IGSF23: variants seen among roughly 807,000 people sequenced by gnomAD.
IGSF23 encodes immunoglobulin superfamily member 23, also known as immunoglobulin superfamily, member 23.
A neutral mutation model predicts 17.8 loss-of-function variants in IGSF23; 14 were observed. The observed-to-expected ratio is 0.79, with a 90% confidence interval of 0.52 to 1.23. IGSF23 has a LOEUF of 1.23. IGSF23 is among the 50% of genes most tolerant of loss of function. The pLI is 0.00. For missense variants in IGSF23, 214 were observed against 241.7 expected, an observed-to-expected ratio of 0.89 and a Z score of 0.76; for synonymous variants, 85 against 92.5, an observed-to-expected ratio of 0.92 and a Z score of 0.46.
intron 1 of IGSF23, among the ~76,000 whole-genome samples, chr19:44,621,372 G>A (rs547143389): frequency 2.6e-5 from 4 of 151,508 alleles, no homozygotes; most frequent in East Asian, 1.9e-4. Context: ...GAATAAGGCC[G>A]GCACGGTGGC....
At chr19:44,624,899 CAAAA>C (rs71171273) in intron 2 of IGSF23, among the ~76,000 whole-genome samples, 1 of 87,742 alleles carries the variant, frequency 1.1e-5, no homozygotes. Context: ...CTGTCTCTAC[CAAAA>C]AAAAAAAAAA....
At chr19:44,616,900 AAGAGAG>A (rs899763381) in intron 1 of IGSF23, among the ~76,000 whole-genome samples, 3 of 149,292 alleles carry the variant, frequency 2.0e-5, no homozygotes, top group Non-Finnish European at 3.0e-5. Flanking sequence ...GAGAGAGAAA[AAGAGAG>A]AGAGAGAGAG....
At position 44,623,803 on chromosome 19, in the gene IGSF23, A is replaced by T; in HGVS notation, c.222A>T (p.Thr74=). The change falls in exon 2 of 5, where the codon ACA becomes ACT. Residue 74 remains threonine, a synonymous_variant. Coordinates refer to ENST00000402988, the MANE Select transcript of IGSF23 (RefSeq NM_001205280.2). ...CTGTGATCCTGCAGTGGGTGGTGAC[A>T]ATGGACCCTGAGCCTGTGCTGAGCT... ...NYSVILQWVV[T]MDPEPVLSWT... 1 of 1,550,946 alleles carries T rather than the reference A, an allele frequency of 6.4e-7. No homozygotes were observed. The highest frequency in any genetic ancestry group is 1.4e-5 in the African/African-American group (1 of 73,164).
At chr19:44,620,968 T>A (rs2123717795) in intron 1 of IGSF23, 1 of 152,196 alleles carries the variant, frequency 6.6e-6, no homozygotes, top group East Asian at 1.9e-4. Flanking sequence ...CCTACAACAA[T>A]GCCTGACAAA....
At chr19:44,635,944 G>A (rs1972879963) in intron 4 of IGSF23, among the ~76,000 whole-genome samples, 1 of 152,152 alleles carries the variant, frequency 6.6e-6, no homozygotes, top group South Asian at 2.1e-4. Flanking sequence ...TCTGGTCTCT[G>A]CCAGGCTCGC....
chr19:44,620,371 G>A lies in IGSF23; in HGVS notation c.126-3336G>A, dbSNP rs1006099125. On this transcript the variant is annotated intron_variant, in intron 1 of 4. Transcript: ENST00000402988. ...TGTGTGTGTGTGTGTGTGTGTGTGT[G>A]TGTGTGTGTGTGTGAGATGGAGCCT... Among the ~76,000 whole-genome samples, 1,158 of 151,484 alleles carry A rather than the reference G, an allele frequency of 7.6e-3. 15 individuals are homozygous for A. The highest frequency in any genetic ancestry group is 0.026 in the African/African-American group (1,088 of 41,166).
Position 44,623,992 on chromosome 19 carries a change from C to T in IGSF23, c.391+20C>T, listed in dbSNP as rs1442849847. On this transcript the variant is annotated intron_variant, in intron 2 of 4. Coordinates refer to ENST00000402988, the MANE Select transcript of IGSF23 (RefSeq NM_001205280.2). ...TGCCAAGTGAGTCCCCCATTCCACC[C>T]CACCCCACCCCACCCAAGAGCCCTG... The T allele has an allele frequency of 6.5e-7, 1 of 1,528,656 alleles. No individual in the cohort carries two copies. The highest frequency in any genetic ancestry group is 2.5e-5 in the East Asian group (1 of 40,720). 94.7% of individuals were successfully genotyped at this position (1,528,656 alleles called of 1,614,324 possible).
intron 1 of IGSF23, chr19:44,614,051 C>T (rs1157020077): frequency 9.8e-6 from 13 of 1,325,300 alleles, no homozygotes; most frequent in Admixed American, 2.1e-5. Flanking sequence ...TGTCTCCTTA[C>T]GAGTCCAAGT....
intron 1 of IGSF23, among the ~76,000 whole-genome samples, chr19:44,614,408 C>T (rs1314894759): frequency 6.6e-6 from 1 of 152,102 alleles, no homozygotes; most frequent in Non-Finnish European, 1.5e-5. Context: ...GATCTATATA[C>T]CAGCCTGTTT....
At position 44,627,457 on chromosome 19, in the gene IGSF23, G is replaced by A. The variant is rs1260604464; in HGVS notation, c.429G>A (p.Glu143=). The part of the protein sequence containing the change: ...IMQPTEAEPM[E]PDPTLSLSGG... ...AGCCCACAGAAGCAGAGCCCATGGAGCCAGACCCCACTCTGTCCCTGTCAG... is the reference window on the plus strand; with the variant it reads ...AGCCCACAGAAGCAGAGCCCATGGAACCAGACCCCACTCTGTCCCTGTCAG... The change falls in exon 3 of 5, where the codon GAG becomes GAA. Residue 143 remains glutamate, a synonymous_variant. Coordinates refer to ENST00000402988, the MANE Select transcript of IGSF23 (RefSeq NM_001205280.2). The A allele has an allele frequency of 6.5e-7, 1 of 1,550,146 alleles. No homozygotes were observed. The highest frequency in any genetic ancestry group is 1.2e-5 in the South Asian group (1 of 84,006).
chr19:44,626,480 C>CA (rs1453619613), intron 2 of IGSF23, among the ~76,000 whole-genome samples: 1 of 152,182 alleles, frequency 6.6e-6, no homozygotes, highest in Non-Finnish European at 1.5e-5. Context: ...GACTTACAGT[C>CA]CAGTGTCCAC....
intron 3 of IGSF23, among the ~76,000 whole-genome samples, chr19:44,628,792 G>A (rs1972708469): frequency 6.6e-6 from 1 of 152,152 alleles, no homozygotes; most frequent in Non-Finnish European, 1.5e-5. Context: ...AAGATAGTAT[G>A]TTGGATGAGC....
chr19:44,628,765 T>C (rs1021153019), intron 3 of IGSF23, among the ~76,000 whole-genome samples: 7 of 151,972 alleles, frequency 4.6e-5, no homozygotes, highest in Non-Finnish European at 7.4e-5. Flanking sequence ...AAAGTAATAA[T>C]AATAAATCTT....
intron 1 of IGSF23, among the ~76,000 whole-genome samples, chr19:44,622,225 G>C (rs966801984): frequency 6.8e-6 from 1 of 147,816 alleles, no homozygotes; most frequent in African/African-American, 2.5e-5. Flanking sequence ...AAAAAAAAAA[G>C]AGCCCAATCC....
chr19:44,615,984 A>G (rs924986008), intron 1 of IGSF23, among the ~76,000 whole-genome samples: 3 of 152,226 alleles, frequency 2.0e-5, no homozygotes, highest in Non-Finnish European at 4.4e-5. Flanking sequence ...AAAGTGGTTT[A>G]CAACATGTTT....
At chr19:44,625,474 C>G (rs1489776057) in intron 2 of IGSF23, among the ~76,000 whole-genome samples, 5 of 152,296 alleles carry the variant, frequency 3.3e-5, no homozygotes, top group South Asian at 2.1e-4. Flanking sequence ...AGTTCAGTCC[C>G]TGTTCCCGTG....
At chr19:44,626,594 G>A (rs1972652834) in intron 2 of IGSF23, among the ~76,000 whole-genome samples, 1 of 152,138 alleles carries the variant, frequency 6.6e-6, no homozygotes, top group South Asian at 2.1e-4. Context: ...AGGGACACCT[G>A]AGCTGAGAAT....
intron 1 of IGSF23, among the ~76,000 whole-genome samples, chr19:44,616,700 A>G (rs1972386316): frequency 6.6e-6 from 1 of 151,466 alleles, no homozygotes; most frequent in East Asian, 1.9e-4. Flanking sequence ...CATCTCAAAA[A>G]AAAAAAAAAA....
chr19:44,621,813 C>T (rs899528256), intron 1 of IGSF23, among the ~76,000 whole-genome samples: 8 of 152,114 alleles, frequency 5.3e-5, no homozygotes, highest in African/African-American at 1.9e-4. Context: ...TATAATATTT[C>T]TTTTCATGTT....
Sources: allele counts gnomAD v4.1 joint callset (sites outside exome capture counted in the v4.1 genomes callset), GRCh38; gene constraint gnomAD v4.1.1; transcripts MANE v1.5; gene names NCBI Gene and HGNC (gene_info 2026-07-23, HGNC 2026-07-21).